Variants in MTO1 observed in about 807,000 individuals in gnomAD.
MTO1 encodes mitochondrial tRNA translation optimization 1.
Under a neutral mutation model 71.6 loss-of-function variants are expected in MTO1, and 46 were observed. The ratio of observed to expected loss-of-function variants is 0.64; its 90% CI spans 0.51 to 0.82. The LOEUF is 0.82. Ranked by LOEUF, MTO1 falls within the 40% of genes least tolerant of loss-of-function variation. MTO1 has a pLI of 0.00. For synonymous variants in MTO1, 297 were observed against 312.1 expected, an observed-to-expected ratio of 0.95 and a Z score of 0.51; for missense variants, 773 against 867.5, an observed-to-expected ratio of 0.89 and a Z score of 1.37.
intron 1 of MTO1, among the ~76,000 whole-genome samples, chr6:73,463,642 TA>T (rs1443272820): frequency 3.9e-5 from 6 of 152,284 alleles, no homozygotes; most frequent in African/African-American, 1.4e-4. Flanking sequence ...AAGAAATATA[TA>T]CTATTAACTG....
At chr6:73,473,910 C>G (rs1350480720) in intron 4 of MTO1, among the ~76,000 whole-genome samples, 2 of 151,750 alleles carry the variant, frequency 1.3e-5, no homozygotes, top group East Asian at 1.9e-4. Context: ...CCTCAACCCC[C>G]TTGAGTAGCT....
At chr6:73,476,415 G>A (rs1054087610) in intron 4 of MTO1, among the ~76,000 whole-genome samples, 1 of 146,552 alleles carries the variant, frequency 6.8e-6, no homozygotes, top group African/African-American at 2.5e-5. Flanking sequence ...AACCCTCAAC[G>A]CATATAATTT....
At chr6:73,498,402 G>T (rs1250580476) in intron 11 of MTO1, among the ~76,000 whole-genome samples, 5 of 150,404 alleles carry the variant, frequency 3.3e-5, no homozygotes, top group Non-Finnish European at 7.4e-5. Flanking sequence ...GATAGTACAC[G>T]TGTATGGCTT....
rs368723563 is a variant in MTO1, at chr6:73,461,924, C to A, written c.70C>A (p.Arg24=). 6.2e-7 allele frequency: 1 copy of A among 1,614,220 alleles called. No homozygotes were observed. Among genetic ancestry groups the A allele is most frequent in the Non-Finnish European group, 8.5e-7 (1 of 1,180,030 alleles). Residue 24 remains arginine (R), a synonymous_variant, in exon 1 of 12, where the codon CGG becomes AGG. Coordinates refer to ENST00000498286, the MANE Select transcript of MTO1 (RefSeq NM_012123.4). ...CACCAAGCAGCAATTTCCGTTGGCA[C>A]GGTTGAGCAGTGACAGCGCGGCGCC... ...SFTKQQFPLA[R]LSSDSAAPRT... is the part of the protein sequence containing the mutation.
intron 9 of MTO1, among the ~76,000 whole-genome samples, chr6:73,485,046 CAAAA>C (rs56004560): frequency 2.9e-5 from 3 of 104,992 alleles, no homozygotes; most frequent in Admixed American, 1.0e-4. Flanking sequence ...GTCTCTGTAT[CAAAA>C]AAAAAAAAAA....
At chr6:73,491,350 C>G (rs1771797177) in intron 9 of MTO1, among the ~76,000 whole-genome samples, 1 of 145,368 alleles carries the variant, frequency 6.9e-6, no homozygotes, top group South Asian at 2.1e-4. Flanking sequence ...TTTGGGAGGC[C>G]GAGGTACGCA....
chr6:73,497,988 T>A, intron 11 of MTO1, 92 bp downstream of exon 11: 1 of 1,107,092 alleles, frequency 9.0e-7, no homozygotes. Context: ...GCCATATAAC[T>A]AATGTTTTAT....
chr6:73,480,911 C>G, intron 7 of MTO1, 106 bp downstream of exon 7: 1 of 1,146,016 alleles, frequency 8.7e-7, no homozygotes, highest in Non-Finnish European at 1.2e-6. Flanking sequence ...ACAATTCATA[C>G]TAATAGAAGA....
At chr6:73,495,915 T>C (rs1431729773) in intron 10 of MTO1, among the ~76,000 whole-genome samples, 2 of 152,170 alleles carry the variant, frequency 1.3e-5, no homozygotes, top group Admixed American at 1.3e-4. Context: ...AGGGCAGATA[T>C]TAGCATTGTT....
chr6:73,468,023 G>A (rs769091262), intron 3 of MTO1, among the ~76,000 whole-genome samples: 18 of 151,708 alleles, frequency 1.2e-4, no homozygotes, highest in South Asian at 8.3e-4. Flanking sequence ...GTTTCACCAC[G>A]TTGGCCAGGA....
rs542611638 is a variant in MTO1 at position 73,464,801 on chromosome 6, C to T, written c.218-1408C>T. On this transcript the variant is annotated intron_variant, in intron 1 of 11. Coordinates refer to ENST00000498286, the MANE Select transcript of MTO1 (RefSeq NM_012123.4). ...AGTGAGCTGAGATCGTGCCATTGCACTCCAGCCTGGGCAACAAGAGCGAAA... is the reference window on the plus strand; with the variant it reads ...AGTGAGCTGAGATCGTGCCATTGCATTCCAGCCTGGGCAACAAGAGCGAAA... Among the ~76,000 whole-genome samples, 444 of 143,882 alleles carry T rather than the reference C, an allele frequency of 3.1e-3. 1 individual carries two copies. The highest frequency in any genetic ancestry group is 0.01 in the African/African-American group (397 of 38,556). 94.4% of individuals were successfully genotyped at this position (143,882 alleles called of 152,430 possible).
At chr6:73,465,814 C>T (rs1770970292) in intron 1 of MTO1, among the ~76,000 whole-genome samples, 1 of 151,872 alleles carries the variant, frequency 6.6e-6, no homozygotes. Flanking sequence ...TGGTGAAACC[C>T]GTCTACCAAA....
At chr6:73,471,360 C>T in intron 3 of MTO1, 1 of 380,004 alleles carries the variant, frequency 2.6e-6, no homozygotes, top group South Asian at 1.9e-5. Context: ...TCTTTATTTT[C>T]CAGATTTAAT....
At chr6:73,483,575 G>T (rs1018169975) in intron 9 of MTO1, among the ~76,000 whole-genome samples, 1 of 151,976 alleles carries the variant, frequency 6.6e-6, no homozygotes, top group African/African-American at 2.4e-5. Flanking sequence ...GAGCAATGTG[G>T]AATGATCTGA....
intron 1 of MTO1, among the ~76,000 whole-genome samples, chr6:73,463,252 C>T (rs1770880089): frequency 6.6e-6 from 1 of 151,778 alleles, no homozygotes; most frequent in Non-Finnish European, 1.5e-5. Context: ...AGGATGGTCT[C>T]GATCTCCTGA....
Position 73,500,906 on chromosome 6 carries a change from G to GA in MTO1, c.*177dup. On this transcript the variant is annotated 3_prime_UTR_variant, in exon 12 of 12. Transcript: ENST00000498286. ...TATAATTGTGCTTTTTCGTGTATAT[G>GA]AAAAAACTAGTCGTAAACAATTTGT... 1 of 487,976 alleles carries GA rather than the reference G, an allele frequency of 2.0e-6. No homozygotes were observed. The allele number at this position is 487,976 out of a possible 1,614,324, so 30.2% of individuals were successfully genotyped here.
At chr6:73,498,838 C>T (rs1399755441) in intron 11 of MTO1, among the ~76,000 whole-genome samples, 1 of 152,006 alleles carries the variant, frequency 6.6e-6, no homozygotes, top group Non-Finnish European at 1.5e-5. Flanking sequence ...GATTCCCCTA[C>T]CTCAGCCTCC....
At chr6:73,497,709 T>G in intron 10 of MTO1, 27 bp from the exon 11 acceptor site, 1 of 1,602,520 alleles carries the variant, frequency 6.2e-7, no homozygotes, top group East Asian at 2.2e-5. Flanking sequence ...CTGGGTATTA[T>G]AACATGATTC....
chr6:73,482,070 C>A lies in MTO1; in HGVS notation c.1291C>A (p.Arg431=), dbSNP rs748328322. ...GVIAGINASL[R]VSRKPPFVVS... ...GATAGCCGGAATCAACGCCAGTCTT[C>A]GGGTCAGTCGCAAGCCTCCCTTTGT... is the stretch of plus-strand genomic sequence containing the variant. The change falls in exon 8 of 12, where the codon CGG becomes AGG. Residue 431 remains arginine, a synonymous_variant. Transcript: ENST00000498286. 1 of 1,613,990 alleles carries A rather than the reference C, an allele frequency of 6.2e-7. No homozygotes were observed. Among genetic ancestry groups the A allele is most frequent in the African/African-American group, 1.3e-5 (1 of 74,914 alleles).
Sources: gnomAD v4.1 joint callset for allele counts (sites outside exome capture counted in the v4.1 genomes callset) on GRCh38, gnomAD v4.1.1 for gene constraint, MANE v1.5 for transcripts, NCBI Gene and HGNC (gene_info 2026-07-23, HGNC 2026-07-21) for gene names.